The following PHLPP1 variants were observed in gnomAD, a reference collection of about 807,000 sequenced individuals.
PHLPP1 encodes PH domain and leucine rich repeat protein phosphatase 1, also known as PH domain leucine-rich repeat-containing protein phosphatase 1.
PHLPP1 carries 42 observed loss-of-function variants against 117.2 expected under a neutral mutation model. The observed-to-expected ratio is 0.36, with a 90% CI of 0.28 to 0.46. PHLPP1 has a LOEUF of 0.46. Among genes scored for constraint, PHLPP1 ranks in the 20% least tolerant of loss-of-function variants. PHLPP1 has a pLI of 1.00. For missense variants in PHLPP1, 2,084 were observed against 2,241.9 expected, an observed-to-expected ratio of 0.93 and a Z score of 1.42; for synonymous variants, 1,042 against 970.7, an observed-to-expected ratio of 1.07 and a Z score of -1.37.
intron 1 of PHLPP1, among the ~76,000 whole-genome samples, chr18:62,827,501 A>G (rs1228667733): frequency 2.0e-5 from 3 of 152,210 alleles, no homozygotes; most frequent in East Asian, 1.9e-4. Context: ...GTCTAGGTAT[A>G]TATTACCTCA....
At chr18:62,915,682 C>CA (rs1489319821) in intron 9 of PHLPP1, among the ~76,000 whole-genome samples, 1 of 152,162 alleles carries the variant, frequency 6.6e-6, no homozygotes, top group East Asian at 1.9e-4. Flanking sequence ...AGTGACTAGC[C>CA]ATGCAGTTAG....
intron 1 of PHLPP1, among the ~76,000 whole-genome samples, chr18:62,750,912 AAG>A (rs1294528759): frequency 6.6e-6 from 1 of 152,234 alleles, no homozygotes; most frequent in Non-Finnish European, 1.5e-5. Context: ...AGAGTGGGAA[AAG>A]AGAGAGAAAT....
chr18:62,861,159 G>C, intron 4 of PHLPP1, among the ~76,000 whole-genome samples: 1 of 152,058 alleles, frequency 6.6e-6, no homozygotes, highest in Non-Finnish European at 1.5e-5. Flanking sequence ...TCTCAGGCTG[G>C]AGTGCAGTGG....
chr18:62,756,544 T>C (rs1480187371), intron 1 of PHLPP1, among the ~76,000 whole-genome samples: 1 of 152,258 alleles, frequency 6.6e-6, no homozygotes, highest in East Asian at 1.9e-4. Context: ...AGGACTTTAG[T>C]TTTTTCTCTC....
At chr18:62,971,635 C>G (rs1168315135) in intron 14 of PHLPP1, among the ~76,000 whole-genome samples, 1 of 152,154 alleles carries the variant, frequency 6.6e-6, no homozygotes, top group Non-Finnish European at 1.5e-5. Context: ...AGCCTGGACA[C>G]TTCCCCAGGA....
intron 1 of PHLPP1, among the ~76,000 whole-genome samples, chr18:62,735,564 A>AAACAACAACAACAACAACAAC (rs34600395): frequency 1.4e-5 from 2 of 142,876 alleles, no homozygotes; most frequent in Non-Finnish European, 3.2e-5. Context: ...CCCCCCATCA[A>AAACAACAACAACAACAACAAC]AACAACAACA....
At chr18:62,850,975 T>G (rs1051704034) in intron 3 of PHLPP1, among the ~76,000 whole-genome samples, 4 of 152,242 alleles carry the variant, frequency 2.6e-5, no homozygotes, top group Non-Finnish European at 4.4e-5. Flanking sequence ...TGTGCTCTTA[T>G]GGCACTGCTG....
rs1343324098 is a variant in PHLPP1, at chr18:62,905,095, ATGTAT to A, written c.2648-124_2648-120del. 25 of 452,238 alleles carry A rather than the reference ATGTAT, an allele frequency of 5.5e-5. No homozygotes were observed. The Middle Eastern group carries it at 1.7e-3, about 31-fold the overall frequency. The allele number at this position is 452,238 out of a possible 1,614,324, so 28.0% of individuals were successfully genotyped here. ...CTGCACTTTCAAAGTTAAACAAATG[ATGTAT>A]TGTACTTCCTAAACTAAACAAACAA... is the stretch of plus-strand genomic sequence containing the variant. On this transcript the variant is annotated intron_variant, in intron 7 of 16. Transcript: ENST00000262719.
rs375864961 is a variant in PHLPP1 at position 62,954,818 on chromosome 18, G to A, written c.3325-3811G>A. On this transcript the variant is annotated intron_variant, in intron 12 of 16. Coordinates refer to ENST00000262719, the MANE Select transcript of PHLPP1 (RefSeq NM_194449.4). Reference sequence around the variant, plus strand: ...CACTGGTATCTCAGTTCCCATCCTAGCAGATTTAATTACTGAAACACCTTA... The same window carrying A: ...CACTGGTATCTCAGTTCCCATCCTAACAGATTTAATTACTGAAACACCTTA... 3.2e-4 allele frequency among the ~76,000 whole-genome samples: 48 copies of A among 152,276 alleles called. 1 individual carries two copies. The East Asian group carries it at 3.5e-3, about 11-fold the overall frequency.
chr18:62,930,903 A>G (rs924915903), intron 10 of PHLPP1, among the ~76,000 whole-genome samples: 3 of 152,230 alleles, frequency 2.0e-5, no homozygotes, highest in Non-Finnish European at 2.9e-5. Context: ...AAACCACACA[A>G]ATAGGGCCGG....
intron 1 of PHLPP1, chr18:62,826,323 C>CT (rs1275303549): frequency 2.7e-6 from 1 of 370,444 alleles, no homozygotes; most frequent in Non-Finnish European, 5.3e-6. Flanking sequence ...TGGGGAATGA[C>CT]TTATTTTATT....
At chr18:62,843,907 C>T (rs1450748034) in intron 3 of PHLPP1, among the ~76,000 whole-genome samples, 1 of 152,150 alleles carries the variant, frequency 6.6e-6, no homozygotes, top group Non-Finnish European at 1.5e-5. Flanking sequence ...CTTGATGGTC[C>T]ACTTTTTAAA....
chr18:62,741,155 T>C (rs1911516216), intron 1 of PHLPP1, among the ~76,000 whole-genome samples: 1 of 152,190 alleles, frequency 6.6e-6, no homozygotes, highest in Non-Finnish European at 1.5e-5. Context: ...ATATGATGAA[T>C]TGCTAAACAG....
intron 3 of PHLPP1, among the ~76,000 whole-genome samples, chr18:62,843,671 A>G (rs919427930): frequency 1.3e-5 from 2 of 152,158 alleles, no homozygotes; most frequent in Non-Finnish European, 2.9e-5. Flanking sequence ...TAAAATATTA[A>G]TGCACAGCAT....
At chr18:62,772,521 A>G (rs1048744859) in intron 1 of PHLPP1, among the ~76,000 whole-genome samples, 1 of 152,088 alleles carries the variant, frequency 6.6e-6, no homozygotes, top group African/African-American at 2.4e-5. Context: ...AGTGAATTTT[A>G]TTGTTTTTAA....
chr18:62,750,155 G>T (rs1911801358), intron 1 of PHLPP1, among the ~76,000 whole-genome samples: 1 of 152,202 alleles, frequency 6.6e-6, no homozygotes, highest in South Asian at 2.1e-4. Context: ...TACATTTTGA[G>T]GTACTGAGAG....
intron 1 of PHLPP1, among the ~76,000 whole-genome samples, chr18:62,766,076 A>AAAAAAAAAAAAAATATATATATATAT: frequency 4.6e-5 from 1 of 21,648 alleles, no homozygotes; most frequent in African/African-American, 1.5e-4. Context: ...AAAAAAAAAA[A>AAAAAAAAAAAAAATATATATATATAT]ATATATATAT....
intron 8 of PHLPP1, among the ~76,000 whole-genome samples, chr18:62,912,112 T>G (rs1163105035): frequency 1.9e-3 from 226 of 116,272 alleles, no homozygotes; most frequent in African/African-American, 7.2e-3. Flanking sequence ...TGAGATCACT[T>G]GGACACAGGA....
intron 15 of PHLPP1, among the ~76,000 whole-genome samples, chr18:62,973,287 A>G (rs983515176): frequency 6.6e-6 from 1 of 152,244 alleles, no homozygotes; most frequent in Non-Finnish European, 1.5e-5. Context: ...CACCAGCAGC[A>G]GAGCTTTAGG....
Sources: allele counts gnomAD v4.1 joint callset (sites outside exome capture counted in the v4.1 genomes callset), GRCh38; gene constraint gnomAD v4.1.1; transcripts MANE v1.5; gene names NCBI Gene and HGNC (gene_info 2026-07-23, HGNC 2026-07-21).